CSGALNACT1: variants seen among roughly 807,000 people sequenced by gnomAD.
CSGALNACT1 encodes beta4GalNAcT-1.
In CSGALNACT1, 52 loss-of-function variants were observed where a neutral mutation model predicts 51.0. The observed-to-expected ratio is 1.02, with a 90% CI of 0.82 to 1.29. The LOEUF is 1.29. Among genes scored for constraint, CSGALNACT1 ranks in the 50% most tolerant of loss-of-function variants. CSGALNACT1 has a pLI of 0.00. For synonymous variants in CSGALNACT1, 341 were observed against 254.4 expected, an observed-to-expected ratio of 1.34 and a Z score of -3.24; for missense variants, 935 against 679.2, an observed-to-expected ratio of 1.38 and a Z score of -4.19.
intron 3 of CSGALNACT1, among the ~76,000 whole-genome samples, chr8:19,535,711 G>T (rs1442790074): frequency 6.6e-6 from 1 of 152,046 alleles, no homozygotes; most frequent in Non-Finnish European, 1.5e-5. Context: ...ATATTAGCAA[G>T]CCATAGAAGG....
intron 5 of CSGALNACT1, among the ~76,000 whole-genome samples, chr8:19,450,566 C>G (rs769537149): frequency 6.6e-6 from 1 of 152,066 alleles, no homozygotes; most frequent in Non-Finnish European, 1.5e-5. Flanking sequence ...AGTGAAGGAG[C>G]CTGCCACAGT....
intron 3 of CSGALNACT1, among the ~76,000 whole-genome samples, chr8:19,527,509 C>G (rs772404858): frequency 1.1e-4 from 16 of 152,122 alleles, no homozygotes; most frequent in Non-Finnish European, 1.8e-4. Flanking sequence ...ACTCCAGAGG[C>G]TGAGGACGGA....
intron 3 of CSGALNACT1, among the ~76,000 whole-genome samples, chr8:19,528,336 A>C (rs1051252791): frequency 6.6e-6 from 1 of 152,124 alleles, no homozygotes; most frequent in African/African-American, 2.4e-5. Flanking sequence ...AGTCACGGCA[A>C]GGTCATGTTA....
chr8:19,416,306 G>C (rs1399821237), intron 8 of CSGALNACT1, among the ~76,000 whole-genome samples: 1 of 151,714 alleles, frequency 6.6e-6, no homozygotes, highest in Non-Finnish European at 1.5e-5. Flanking sequence ...GTAGAGATGG[G>C]GTTTCATCAT....
intron 4 of CSGALNACT1, among the ~76,000 whole-genome samples, chr8:19,485,380 G>A (rs1430201475): frequency 6.6e-6 from 1 of 151,914 alleles, no homozygotes; most frequent in Non-Finnish European, 1.5e-5. Context: ...CCCCTCCACT[G>A]TGAGAGATAA....
chr8:19,598,898 ATTC>A (rs1444841572), intron 2 of CSGALNACT1, among the ~76,000 whole-genome samples: 2 of 152,184 alleles, frequency 1.3e-5, no homozygotes, highest in African/African-American at 2.4e-5. Flanking sequence ...TCGCTCATTC[ATTC>A]TTTTGTTTGG....
upstream of CSGALNACT1, chr8:19,683,118 C>T: frequency 4.6e-6 from 1 of 216,094 alleles, no homozygotes; most frequent in South Asian, 7.5e-5. Context: ...AATGAAATGT[C>T]AGATCAGGTG....
At chr8:19,616,936 T>A (rs1589053139) in intron 1 of CSGALNACT1, among the ~76,000 whole-genome samples, 1 of 152,226 alleles carries the variant, frequency 6.6e-6, no homozygotes, top group African/African-American at 2.4e-5. Flanking sequence ...TTGGGGATGA[T>A]TCAAACTCAT....
At chr8:19,691,265 C>A (rs2061302293) in intron 1 of CSGALNACT1, among the ~76,000 whole-genome samples, 1 of 152,078 alleles carries the variant, frequency 6.6e-6, no homozygotes, top group African/African-American at 2.4e-5. Flanking sequence ...TGGGAAGTTC[C>A]CCATAAATTT....
At chr8:19,746,957 C>A (rs984652247) in intron 1 of CSGALNACT1, among the ~76,000 whole-genome samples, 4 of 152,196 alleles carry the variant, frequency 2.6e-5, no homozygotes, top group Admixed American at 6.5e-5. Flanking sequence ...TTGTGGACAC[C>A]AGGGAAAGGG....
At chr8:19,543,163 A>T (rs1217425438) in intron 3 of CSGALNACT1, among the ~76,000 whole-genome samples, 1 of 152,324 alleles carries the variant, frequency 6.6e-6, no homozygotes, top group Admixed American at 6.5e-5. Flanking sequence ...ATCCCCAGAT[A>T]CTATCATTTT....
intron 6 of CSGALNACT1, among the ~76,000 whole-genome samples, chr8:19,434,287 T>C (rs2060057527): frequency 1.3e-5 from 2 of 152,234 alleles, no homozygotes; most frequent in African/African-American, 4.8e-5. Context: ...TTTCATAATA[T>C]ATTTTCCCCA....
intron 1 of CSGALNACT1, among the ~76,000 whole-genome samples, chr8:19,745,388 G>A (rs940169830): frequency 1.3e-5 from 2 of 152,118 alleles, no homozygotes; most frequent in African/African-American, 4.8e-5. Flanking sequence ...GGTACATTTG[G>A]TTTTTGATAC....
intron 1 of CSGALNACT1, among the ~76,000 whole-genome samples, chr8:19,648,883 AAT>A (rs1352630600): frequency 4.6e-5 from 7 of 152,200 alleles, no homozygotes; most frequent in African/African-American, 1.7e-4. Context: ...CATGAAACGG[AAT>A]ACAGTAGAGA....
intron 1 of CSGALNACT1, among the ~76,000 whole-genome samples, chr8:19,668,093 G>C (rs1371551444): frequency 6.6e-6 from 1 of 151,426 alleles, no homozygotes; most frequent in Non-Finnish European, 1.5e-5. Flanking sequence ...AATACAACTG[G>C]CTCCCAAATA....
At chr8:19,650,163 T>C (rs114923472) in intron 1 of CSGALNACT1, among the ~76,000 whole-genome samples, 1 of 152,170 alleles carries the variant, frequency 6.6e-6, no homozygotes, top group Admixed American at 6.6e-5. Flanking sequence ...GTTGGAGAGA[T>C]GACATTTTGA....
chr8:19,533,341 C>T (rs899286650), intron 3 of CSGALNACT1, among the ~76,000 whole-genome samples: 1 of 152,068 alleles, frequency 6.6e-6, no homozygotes, highest in Non-Finnish European at 1.5e-5. Flanking sequence ...AGGCTGGTCT[C>T]AAACTCCTGG....
intron 3 of CSGALNACT1, among the ~76,000 whole-genome samples, chr8:19,583,235 C>A (rs188212702): frequency 6.6e-6 from 1 of 152,052 alleles, no homozygotes; most frequent in Non-Finnish European, 1.5e-5. Flanking sequence ...GAGTTCCAAG[C>A]CATTGCTACA....
intron 1 of CSGALNACT1, among the ~76,000 whole-genome samples, chr8:19,608,050 G>A (rs557281443): frequency 1.3e-5 from 2 of 152,350 alleles, no homozygotes; most frequent in East Asian, 1.9e-4. Flanking sequence ...AACTGATGAA[G>A]AGTAGTTAAA....
Sources: gnomAD v4.1 joint callset for allele counts (sites outside exome capture counted in the v4.1 genomes callset) on GRCh38, gnomAD v4.1.1 for gene constraint, MANE v1.5 for transcripts, NCBI Gene and HGNC (gene_info 2026-07-23, HGNC 2026-07-21) for gene names.